The following RALGAPB variants were observed in gnomAD, a reference collection of about 807,000 sequenced individuals.
RALGAPB encodes the protein ral GTPase-activating protein subunit beta.
A neutral mutation model predicts 161.1 loss-of-function variants in RALGAPB; 25 were observed. The observed-to-expected ratio is 0.16, with a 90% CI of 0.11 to 0.22. The LOEUF is 0.22. RALGAPB is among the 10% of genes least tolerant of loss of function. The pLI is 1.00. For synonymous variants in RALGAPB, 629 were observed against 626.1 expected (o/e 1.00, Z -0.07); for missense variants, 1,391 against 1,815.2 (o/e 0.77, Z 4.25).
Position 38,575,829 on chromosome 20 carries a change from A to T in RALGAPB, c.*862A>T, listed in dbSNP as rs1688392683. The T allele has an allele frequency of 6.6e-6, 1 of 152,614 alleles. No homozygotes were observed. The highest frequency in any genetic ancestry group is 1.5e-5 in the Non-Finnish European group (1 of 68,044). The allele number at this position is 152,614 out of a possible 1,614,324, so 9.5% of individuals were successfully genotyped here. On this transcript the variant is annotated 3_prime_UTR_variant, in exon 30 of 30. Coordinates refer to ENST00000262879, the MANE Select transcript of RALGAPB (RefSeq NM_020336.4). ...TTTAAAGAAATGTAAATTCACAATA[A>T]GGGTTGAAAATTATTTGGTTTCATC...
intron 16 of RALGAPB, among the ~76,000 whole-genome samples, chr20:38,539,460 TAGGG>T (rs2086902302): frequency 1.3e-5 from 2 of 152,178 alleles, no homozygotes; most frequent in Non-Finnish European, 2.9e-5. Flanking sequence ...GAGGTTGGGT[TAGGG>T]GTTTAAAAAT....
chr20:38,479,582 A>G (rs1278200950), intron 1 of RALGAPB, among the ~76,000 whole-genome samples: 1 of 152,218 alleles, frequency 6.6e-6, no homozygotes, highest in African/African-American at 2.4e-5. Flanking sequence ...ATGAGTACAT[A>G]TAGAGTTGGG....
At chr20:38,570,929 A>C in intron 28 of RALGAPB, 82 bp downstream of exon 28, 1 of 943,786 alleles carries the variant, frequency 1.1e-6, no homozygotes. Flanking sequence ...GAATTATGAA[A>C]CGAAAGAGTT....
intron 22 of RALGAPB, among the ~76,000 whole-genome samples, chr20:38,554,524 GTTGT>G (rs1275646703): frequency 1.3e-5 from 2 of 152,210 alleles, no homozygotes; most frequent in African/African-American, 4.8e-5. Flanking sequence ...CACTTCTTAT[GTTGT>G]CCAGTTTGTA....
At chr20:38,569,578 CA>C (rs1330455639) in intron 26 of RALGAPB, 4 of 239,772 alleles carry the variant, frequency 1.7e-5, no homozygotes, top group African/African-American at 8.8e-5. Context: ...GAGATAGACT[CA>C]AATCTTTTAA....
intron 1 of RALGAPB, among the ~76,000 whole-genome samples, chr20:38,478,467 C>T (rs1265283418): frequency 6.6e-6 from 1 of 152,142 alleles, no homozygotes; most frequent in Non-Finnish European, 1.5e-5. Flanking sequence ...GTCACCCAGG[C>T]TAGAGTGCAG....
chr20:38,574,936 A>G lies in RALGAPB; in HGVS notation c.4454A>G (p.Gln1485Arg), dbSNP rs901366775. ...LEPEFYTSLF[Q>R]EVGLKNCSS The stretch of plus-strand genomic sequence containing the variant: ...CCAGAGTTTTATACTTCACTTTTCC[A>G]GGAGGTTGGACTCAAGAACTGCAGT... The change falls in exon 30 of 30, where the codon CAG (glutamine) becomes CGG (arginine). Residue 1485 changes from glutamine to arginine, a missense_variant. By Grantham distance (43) the Gln-to-Arg change is conservative (BLOSUM62 1). Coordinates refer to ENST00000262879, the MANE Select transcript of RALGAPB (RefSeq NM_020336.4). 1 of 1,613,810 alleles carries G rather than the reference A, an allele frequency of 6.2e-7. No individual in the cohort carries two copies. Among genetic ancestry groups the G allele is most frequent in the Admixed American group, 1.7e-5 (1 of 60,016 alleles).
chr20:38,558,166 T>C, intron 22 of RALGAPB, 129 bp from the exon 23 acceptor site: 2 of 720,258 alleles, frequency 2.8e-6, no homozygotes, highest in Non-Finnish European at 4.0e-6. Flanking sequence ...AGGATTATGG[T>C]TGTGTTTATT....
intron 13 of RALGAPB, 23 bp downstream of exon 13, chr20:38,526,065 G>A (rs996031321): frequency 1.2e-6 from 2 of 1,612,502 alleles, no homozygotes; most frequent in Non-Finnish European, 1.7e-6. Flanking sequence ...ACGTTATTTT[G>A]TAAGTGAAAC....
chr20:38,569,989 T>C lies in RALGAPB; in HGVS notation c.4056T>C (p.Asp1352=). 1.2e-6 allele frequency: 2 copies of C among 1,609,334 alleles called. No homozygotes were observed. The highest frequency in any genetic ancestry group is 1.7e-6 in the Non-Finnish European group (2 of 1,175,804). The change falls in exon 27 of 30, where the codon GAT becomes GAC. Residue 1352 remains aspartate, a synonymous_variant. Coordinates refer to ENST00000262879, the MANE Select transcript of RALGAPB (RefSeq NM_020336.4). ...CTGTAGTCTGGGTGGAACGCTATGA[T>C]GATATAGGTACTGTATGAGGACTTT... The part of the protein sequence containing the change: ...RVSVVWVERY[D]DIENFPLSEL...
chr20:38,517,964 C>G lies in RALGAPB; in HGVS notation c.1381C>G (p.Leu461Val), dbSNP rs376938706. The G allele has an allele frequency of 3.7e-6, 6 of 1,613,022 alleles. No individual in the cohort carries two copies. Among genetic ancestry groups the G allele is most frequent in the Non-Finnish European group, 5.1e-6 (6 of 1,179,114 alleles). The change falls in exon 9 of 30, where the codon CTT becomes GTT. Residue 461 changes from leucine (L) to valine (V), a missense_variant. By Grantham distance (32) the Leu-to-Val change is conservative. Transcript: ENST00000262879. ...TGATGCAGCATTTGTTCACTGTAAA[C>G]TTCATAATGGGATAAACAGAGACAG... is the stretch of plus-strand genomic sequence containing the variant. ...LFDAAFVHCK[L>V]HNGINRDSSM...
chr20:38,567,464 G>A (rs1452461342), intron 26 of RALGAPB, among the ~76,000 whole-genome samples: 1 of 152,052 alleles, frequency 6.6e-6, no homozygotes, highest in Non-Finnish European at 1.5e-5. Flanking sequence ...TTCTGGTCCC[G>A]TACTTGATTC....
rs538711603 is a variant in RALGAPB at position 38,545,219 on chromosome 20, A to T, written c.2715-1024A>T. Among the ~76,000 whole-genome samples the T allele has an allele frequency of 7.2e-5, 11 of 152,274 alleles. No individual in the cohort carries two copies. The East Asian group carries it at 1.9e-3, about 27-fold the overall frequency. On this transcript the variant is annotated intron_variant, in intron 18 of 29. Coordinates refer to ENST00000262879, the MANE Select transcript of RALGAPB (RefSeq NM_020336.4). The stretch of plus-strand genomic sequence containing the variant: ...TTCCTTCAGGTCCACAGGGATTTTT[A>T]AATTTAGCTACAAGTTCATGATATT...
At chr20:38,517,754 T>G in intron 8 of RALGAPB, 30 bp from the exon 9 acceptor site, 4 of 1,605,458 alleles carry the variant, frequency 2.5e-6, no homozygotes, top group Non-Finnish European at 3.4e-6. Context: ...TTTTCATTGG[T>G]ATGGGTGTAT....
At chr20:38,490,194 T>C (rs1299270547) in intron 2 of RALGAPB, among the ~76,000 whole-genome samples, 2 of 150,306 alleles carry the variant, frequency 1.3e-5, no homozygotes, top group Admixed American at 1.3e-4. Flanking sequence ...ATTTTAAAAA[T>C]GTATTTTTAT....
Position 38,575,041 on chromosome 20 carries a change from A to G in RALGAPB, c.*74A>G. 1 of 1,257,950 alleles carries G rather than the reference A, an allele frequency of 7.9e-7. No individual in the cohort carries two copies. Among genetic ancestry groups the G allele is most frequent in the East Asian group, 2.3e-5 (1 of 43,092 alleles). 77.9% of individuals were successfully genotyped at this position (1,257,950 alleles called of 1,614,324 possible). ...CAGCAGAACAGTTTGATAGGTGATCACTGTAAAAATAAAAACAAATCACTC... is the reference window on the plus strand; with the variant it reads ...CAGCAGAACAGTTTGATAGGTGATCGCTGTAAAAATAAAAACAAATCACTC... On this transcript the variant is annotated 3_prime_UTR_variant, in exon 30 of 30. Transcript: ENST00000262879.
At position 38,517,846 on chromosome 20, in the gene RALGAPB, T is replaced by C. The variant is rs553217397; in HGVS notation, c.1263T>C (p.Ser421=). ...HQTSSTSPLS[S]PNQTSSEPRP... ...CGTCCTCCACCTCTCCTCTGTCAAG[T>C]CCAAATCAGACTAGTTCAGAACCCC... The change falls in exon 9 of 30, where the codon AGT becomes AGC. Residue 421 remains serine, a synonymous_variant. Coordinates refer to ENST00000262879, the MANE Select transcript of RALGAPB (RefSeq NM_020336.4). 21 of 1,614,048 alleles carry C rather than the reference T, an allele frequency of 1.3e-5. No homozygotes were observed. The highest frequency in any genetic ancestry group is 2.7e-5 in the African/African-American group (2 of 75,036).
intron 1 of RALGAPB, among the ~76,000 whole-genome samples, chr20:38,473,719 C>T (rs972615819): frequency 2.6e-5 from 4 of 152,316 alleles, no homozygotes; most frequent in East Asian, 3.9e-4. Context: ...AGGGCAGTGG[C>T]TCTCCAACTT....
At chr20:38,486,815 G>A (rs1365557330) in intron 1 of RALGAPB, among the ~76,000 whole-genome samples, 1 of 152,142 alleles carries the variant, frequency 6.6e-6, no homozygotes, top group Non-Finnish European at 1.5e-5. Context: ...ACACTTTAGT[G>A]GAATAGAGGG....
Sources: gnomAD v4.1 joint callset for allele counts (sites outside exome capture counted in the v4.1 genomes callset) on GRCh38, gnomAD v4.1.1 for gene constraint, MANE v1.5 for transcripts, NCBI Gene and HGNC (gene_info 2026-07-23, HGNC 2026-07-21) for gene names.